LRRC3B: variants seen among roughly 807,000 people sequenced by gnomAD.
LRRC3B encodes leucine rich repeat containing 3B.
In LRRC3B, 2 loss-of-function variants were observed where a neutral mutation model predicts 12.8. The ratio of observed to expected loss-of-function variants is 0.16; its 90% CI spans 0.06 to 0.49. The LOEUF (loss-of-function observed/expected upper bound fraction) is 0.49. LRRC3B is among the 20% of genes least tolerant of loss of function. LRRC3B has a pLI of 0.96. For synonymous variants in LRRC3B, 132 were observed against 122.0 expected, an observed-to-expected ratio of 1.08 and a Z score of -0.54; for missense variants, 189 against 319.4, an observed-to-expected ratio of 0.59 and a Z score of 3.11.
At chr3:26,682,428 G>A (rs982816049) in intron 1 of LRRC3B, among the ~76,000 whole-genome samples, 4 of 152,002 alleles carry the variant, frequency 2.6e-5, no homozygotes, top group Admixed American at 1.3e-4. Flanking sequence ...ACTTTCATGC[G>A]TATATACATT....
At chr3:26,705,280 A>T (rs1700558574) in intron 1 of LRRC3B, among the ~76,000 whole-genome samples, 1 of 152,184 alleles carries the variant, frequency 6.6e-6, no homozygotes, top group South Asian at 2.1e-4. Context: ...ATATGAGCGA[A>T]ATATGAGTCT....
chr3:26,639,662 C>G (rs947254544), intron 1 of LRRC3B, among the ~76,000 whole-genome samples: 5 of 152,138 alleles, frequency 3.3e-5, no homozygotes, highest in Non-Finnish European at 4.4e-5. Context: ...CAGGTATAAA[C>G]TATACGAAGA....
chr3:26,640,086 G>C (rs1424231407), intron 1 of LRRC3B, among the ~76,000 whole-genome samples: 1 of 152,146 alleles, frequency 6.6e-6, no homozygotes, highest in East Asian at 1.9e-4. Context: ...CTCTGCCTCT[G>C]ATTATGAAGA....
chr3:26,688,614 G>A (rs1446293907), intron 1 of LRRC3B, among the ~76,000 whole-genome samples: 3 of 152,036 alleles, frequency 2.0e-5, no homozygotes, highest in African/African-American at 4.8e-5. Flanking sequence ...AGAAGGAGAG[G>A]GAGATGCCAC....
Position 26,664,714 on chromosome 3 carries a change from G to A in LRRC3B, c.-161+41477G>A, listed in dbSNP as rs569838924. Among the ~76,000 whole-genome samples the A allele has an allele frequency of 1.3e-4, 20 of 152,172 alleles. No individual in the cohort carries two copies. In the South Asian group the frequency reaches 3.7e-3, roughly 29 times the overall value. ...ATAATTTTGGGTCAGTTCTGTGGTGGAGTTCTAGGAGACAGTTTAGGTCTC... is the reference window on the plus strand; with the variant it reads ...ATAATTTTGGGTCAGTTCTGTGGTGAAGTTCTAGGAGACAGTTTAGGTCTC... On this transcript the variant is annotated intron_variant, in intron 1 of 1. Transcript: ENST00000396641.
At chr3:26,643,685 G>T (rs888933927) in intron 1 of LRRC3B, among the ~76,000 whole-genome samples, 3 of 152,154 alleles carry the variant, frequency 2.0e-5, no homozygotes, top group Non-Finnish European at 4.4e-5. Flanking sequence ...TCAGAGTTTG[G>T]CTGAGTAGCA....
chr3:26,684,923 C>T (rs569397680), intron 1 of LRRC3B, among the ~76,000 whole-genome samples: 3 of 151,766 alleles, frequency 2.0e-5, no homozygotes, highest in African/African-American at 7.3e-5. Flanking sequence ...CTTGCAGTCA[C>T]TCAAACACAG....
At chr3:26,633,732 G>A (rs1173686355) in intron 1 of LRRC3B, among the ~76,000 whole-genome samples, 1 of 152,172 alleles carries the variant, frequency 6.6e-6, no homozygotes, top group East Asian at 1.9e-4. Flanking sequence ...ACAGAATAAT[G>A]ACTTGTTAGG....
At chr3:26,682,804 A>T (rs982847008) in intron 1 of LRRC3B, among the ~76,000 whole-genome samples, 1 of 152,214 alleles carries the variant, frequency 6.6e-6, no homozygotes, top group Non-Finnish European at 1.5e-5. Context: ...CAGCTGCAGC[A>T]CATTAAAAGT....
intron 1 of LRRC3B, among the ~76,000 whole-genome samples, chr3:26,639,484 AT>A (rs1186347146): frequency 1.8e-5 from 2 of 110,452 alleles, no homozygotes; most frequent in South Asian, 3.3e-4. Flanking sequence ...GAATCTTTAA[AT>A]TTAAATTAAA....
At position 26,678,961 on chromosome 3, in the gene LRRC3B, G is replaced by A. The variant is rs899195213; in HGVS notation, c.-160-30552G>A. On this transcript the variant is annotated intron_variant, in intron 1 of 1. Coordinates refer to ENST00000396641, the Ensembl canonical transcript of LRRC3B. ...CAGGAGTATTTGGGTGGGCTCTGTT[G>A]ACAACAGGTCTGCTATCATACAACA... 3.3e-5 allele frequency among the ~76,000 whole-genome samples: 5 copies of A among 152,090 alleles called. 1 individual carries two copies. The highest frequency in any genetic ancestry group is 7.2e-5 in the African/African-American group (3 of 41,412).
chr3:26,709,643 A>G lies in LRRC3B; in HGVS notation c.-30A>G. 1 of 1,601,796 alleles carries G rather than the reference A, an allele frequency of 6.2e-7. No individual in the cohort carries two copies. The highest frequency in any genetic ancestry group is 8.5e-7 in the Non-Finnish European group (1 of 1,172,798). The stretch of plus-strand genomic sequence containing the variant: ...CCACGCTTGTTGGAGTAGATGAGGA[A>G]TGGGCTCGTGATTATGCTGACATTC... On this transcript the variant is annotated 5_prime_UTR_variant, in exon 2 of 2. An upstream start codon of the reference 5' UTR is lost. Coordinates refer to ENST00000396641, the Ensembl canonical transcript of LRRC3B.
At chr3:26,710,155 G>A (rs771009842) in exon 2 of LRRC3B, 13 of 1,613,794 alleles carry the variant, frequency 8.1e-6, no homozygotes, top group East Asian at 6.7e-5. Context: ...GGAGCATGGC[G>A]TCCAATCATG....
Position 26,643,015 on chromosome 3 carries a change from CA to C in LRRC3B, c.-161+19788del, listed in dbSNP as rs745665933. ...CTGGTGACAGAGCGAGACTCCGTTT[CA>C]AAAAAAAAAGGCAGAATTACCAGGA... On this transcript the variant is annotated intron_variant, in intron 1 of 1. Transcript: ENST00000396641. 5.2e-4 allele frequency among the ~76,000 whole-genome samples: 74 copies of C among 142,506 alleles called. No homozygotes were observed. In the East Asian group the frequency reaches 0.013, roughly 26 times the overall value. 93.5% of individuals were successfully genotyped at this position (142,506 alleles called of 152,430 possible).
chr3:26,671,361 T>TAG (rs1168710721), intron 1 of LRRC3B, among the ~76,000 whole-genome samples: 8 of 49,268 alleles, frequency 1.6e-4, no homozygotes, highest in Admixed American at 6.2e-4. Flanking sequence ...TATATATATA[T>TAG]ATATATATAT....
intron 1 of LRRC3B, among the ~76,000 whole-genome samples, chr3:26,660,457 G>A (rs759128231): frequency 6.6e-6 from 1 of 150,844 alleles, no homozygotes; most frequent in Non-Finnish European, 1.5e-5. Context: ...AAGATTAAGT[G>A]ATTTTTTTCT....
Position 26,636,892 on chromosome 3 carries a change from C to T in LRRC3B, c.-161+13655C>T, listed in dbSNP as rs192283820. Among the ~76,000 whole-genome samples the T allele has an allele frequency of 3.9e-3, 372 of 94,266 alleles. 27 individuals are homozygous for T. Among genetic ancestry groups the T allele is most frequent in the East Asian group, 0.029 (56 of 1,936 alleles). The allele number at this position is 94,266 out of a possible 152,430, so 61.8% of individuals were successfully genotyped here. A position where few individuals can be genotyped will look rare whatever the true frequency, so the allele number is the denominator to read the frequency against. On this transcript the variant is annotated intron_variant, in intron 1 of 1. Transcript: ENST00000396641. Reference sequence around the variant, plus strand: ...TTCCTTCCTTCCTTCCTTCCTTTCTCTCTCTCTCTCTTTCTCTCTTTCTCT... The same window carrying T: ...TTCCTTCCTTCCTTCCTTCCTTTCTTTCTCTCTCTCTTTCTCTCTTTCTCT...
chr3:26,679,542 G>A (rs1699928145), intron 1 of LRRC3B, among the ~76,000 whole-genome samples: 1 of 152,206 alleles, frequency 6.6e-6, no homozygotes, highest in African/African-American at 2.4e-5. Flanking sequence ...CCTCACTTCA[G>A]TCAGTTCTCT....
chr3:26,703,162 A>G (rs191034116), intron 1 of LRRC3B, among the ~76,000 whole-genome samples: 26 of 152,264 alleles, frequency 1.7e-4, no homozygotes, highest in African/African-American at 6.0e-4. Context: ...TTAGTCACAA[A>G]TACACAGGAA....
Sources: allele counts gnomAD v4.1 joint callset (sites outside exome capture counted in the v4.1 genomes callset), GRCh38; gene constraint gnomAD v4.1.1; transcripts MANE v1.5; gene names NCBI Gene and HGNC (gene_info 2026-07-23, HGNC 2026-07-21).